The following NARS2 variants were observed in gnomAD, a reference collection of about 807,000 sequenced individuals.
NARS2 encodes asparaginyl-tRNA synthetase.
A neutral mutation model predicts 62.9 loss-of-function variants in NARS2; 60 were observed. That is an observed-to-expected ratio of 0.95 (90% CI 0.77 to 1.18). NARS2 has a LOEUF of 1.18. NARS2 is among the 50% of genes most tolerant of loss of function. NARS2 has a pLI of 0.00. For synonymous variants in NARS2, 196 were observed against 200.0 expected (o/e 0.98, Z 0.17); for missense variants, 619 against 576.4 (o/e 1.07, Z -0.76).
At chr11:78,522,804 A>C (rs1861178075) in intron 6 of NARS2, among the ~76,000 whole-genome samples, 1 of 152,226 alleles carries the variant, frequency 6.6e-6, no homozygotes, top group African/African-American at 2.4e-5. Context: ...AGTAATAATA[A>C]GTTAGAGCCT....
At chr11:78,459,321 A>G (rs1858299724) in intron 11 of NARS2, among the ~76,000 whole-genome samples, 1 of 150,152 alleles carries the variant, frequency 6.7e-6, no homozygotes, top group Non-Finnish European at 1.5e-5. Context: ...CCCAGGCTGG[A>G]GTACAATGAT....
At chr11:78,462,783 T>A (rs1443299776) in intron 11 of NARS2, among the ~76,000 whole-genome samples, 2 of 152,216 alleles carry the variant, frequency 1.3e-5, no homozygotes, top group East Asian at 3.9e-4. Context: ...ACAGCTGTAT[T>A]AATACAAAAT....
rs533090461 is a variant in NARS2 at position 78,502,721 on chromosome 11, C to T, written c.690-9526G>A. ...AAAAGTTGACTGAGGCCAGGCGCGG[C>T]GCCTCACGCCTGTAATCCCAGCACT... On this transcript the variant is annotated intron_variant, in intron 6 of 13. Transcript: ENST00000281038. Among the ~76,000 whole-genome samples the T allele has an allele frequency of 5.9e-5, 9 of 152,078 alleles. No individual in the cohort carries two copies. In the South Asian group the frequency reaches 6.2e-4, roughly 11 times the overall value.
At chr11:78,508,014 A>T (rs1860569804) in intron 6 of NARS2, among the ~76,000 whole-genome samples, 1 of 152,216 alleles carries the variant, frequency 6.6e-6, no homozygotes, top group African/African-American at 2.4e-5. Flanking sequence ...AAAATGATGT[A>T]TGAACAAAAT....
intron 5 of NARS2, among the ~76,000 whole-genome samples, chr11:78,539,918 T>C (rs1855547781): frequency 6.6e-6 from 1 of 152,200 alleles, no homozygotes; most frequent in Admixed American, 6.5e-5. Flanking sequence ...TCATTCCTTT[T>C]ATCTATCTTC....
chr11:78,448,113 A>G (rs552506763), intron 11 of NARS2, among the ~76,000 whole-genome samples: 1 of 152,350 alleles, frequency 6.6e-6, no homozygotes, highest in Admixed American at 6.5e-5. Context: ...TGATTTAATC[A>G]TACCACATTG....
intron 7 of NARS2, among the ~76,000 whole-genome samples, chr11:78,480,225 G>A (rs1025353221): frequency 1.4e-4 from 21 of 152,064 alleles, no homozygotes; most frequent in African/African-American, 4.6e-4. Flanking sequence ...TAGACATCTT[G>A]CTAAGCTATA....
intron 5 of NARS2, among the ~76,000 whole-genome samples, chr11:78,548,505 G>A (rs999729508): frequency 6.6e-6 from 1 of 152,188 alleles, no homozygotes; most frequent in Non-Finnish European, 1.5e-5. Context: ...TTTCTAGAAT[G>A]CACAACAGTT....
At chr11:78,486,213 C>T (rs1222420164) in intron 7 of NARS2, among the ~76,000 whole-genome samples, 1 of 151,934 alleles carries the variant, frequency 6.6e-6, no homozygotes, top group Non-Finnish European at 1.5e-5. Flanking sequence ...GTCAGTTAGA[C>T]CCAATGGTGG....
intron 6 of NARS2, 94 bp from the exon 7 acceptor site, chr11:78,493,289 T>C: frequency 8.5e-7 from 1 of 1,175,314 alleles, no homozygotes; most frequent in Non-Finnish European, 1.2e-6. Context: ...AATAAAGTTT[T>C]GTGTGCCTCT....
intron 6 of NARS2, among the ~76,000 whole-genome samples, chr11:78,508,587 C>CAA (rs796557623): frequency 0.011 from 656 of 57,784 alleles, 2 homozygotes; most frequent in African/African-American, 0.025. Flanking sequence ...GACTCCATCT[C>CAA]AAAAAAAAAA....
intron 6 of NARS2, among the ~76,000 whole-genome samples, chr11:78,506,701 A>G (rs918630906): frequency 6.6e-6 from 1 of 152,156 alleles, no homozygotes; most frequent in Non-Finnish European, 1.5e-5. Context: ...ATGCCCAGCT[A>G]ATTTTTGTAT....
At chr11:78,543,750 C>T (rs946639836) in intron 5 of NARS2, among the ~76,000 whole-genome samples, 3 of 151,932 alleles carry the variant, frequency 2.0e-5, no homozygotes, top group Non-Finnish European at 4.4e-5. Context: ...ATCCAGAATC[C>T]GGCCAGGCAG....
chr11:78,564,153 G>C (rs1856662343), intron 4 of NARS2, among the ~76,000 whole-genome samples: 1 of 151,456 alleles, frequency 6.6e-6, no homozygotes, highest in African/African-American at 2.4e-5. Context: ...GCCTGCCTTG[G>C]CCTCCCAAAG....
At chr11:78,569,940 G>A (rs1227041356) in intron 2 of NARS2, among the ~76,000 whole-genome samples, 2 of 152,268 alleles carry the variant, frequency 1.3e-5, no homozygotes, top group East Asian at 3.9e-4. Context: ...TGTAATCCCA[G>A]CACCTTGGGA....
chr11:78,496,956 A>G (rs1010584600), intron 6 of NARS2, among the ~76,000 whole-genome samples: 2 of 152,228 alleles, frequency 1.3e-5, no homozygotes, highest in East Asian at 3.9e-4. Flanking sequence ...CATTTGCAGC[A>G]AAGACTGAAC....
chr11:78,464,811 G>C (rs927665685), intron 11 of NARS2, among the ~76,000 whole-genome samples: 2 of 152,290 alleles, frequency 1.3e-5, no homozygotes, highest in African/African-American at 4.8e-5. Flanking sequence ...CAAACCTTGA[G>C]CTAGATACAG....
intron 7 of NARS2, among the ~76,000 whole-genome samples, chr11:78,480,403 T>C (rs767066428): frequency 1.3e-5 from 2 of 152,076 alleles, no homozygotes; most frequent in African/African-American, 2.4e-5. Flanking sequence ...TACAGGTGTG[T>C]GTCACCACGC....
At chr11:78,524,589 G>A (rs1448446536) in intron 6 of NARS2, among the ~76,000 whole-genome samples, 1 of 151,766 alleles carries the variant, frequency 6.6e-6, no homozygotes, top group Non-Finnish European at 1.5e-5. Flanking sequence ...CTTAATTGCA[G>A]GTTTTACAAT....
Sources: gnomAD v4.1 joint callset for allele counts (sites outside exome capture counted in the v4.1 genomes callset) on GRCh38, gnomAD v4.1.1 for gene constraint, MANE v1.5 for transcripts, NCBI Gene and HGNC (gene_info 2026-07-23, HGNC 2026-07-21) for gene names.